Variants in AGBL4 observed in about 807,000 individuals in gnomAD.
The protein encoded by AGBL4 is cytosolic carboxypeptidase 6.
AGBL4 carries 58 observed loss-of-function variants against 66.4 expected under a neutral mutation model. The observed-to-expected ratio is 0.87, with a 90% confidence interval of 0.71 to 1.09. AGBL4 has a LOEUF of 1.09. AGBL4 is among the 50% of genes least tolerant of loss of function. The probability of loss-of-function intolerance (pLI) is 0.00; values close to 1 mark genes in which losing one functional copy is unlikely to be tolerated. For missense variants in AGBL4, 579 were observed against 631.0 expected, an observed-to-expected ratio of 0.92 and a Z score of 0.88; for synonymous variants, 234 against 222.9, an observed-to-expected ratio of 1.05 and a Z score of -0.44.
chr1:49,078,151 G>A (rs1021020970), intron 4 of AGBL4, among the ~76,000 whole-genome samples: 3 of 152,022 alleles, frequency 2.0e-5, no homozygotes, highest in African/African-American at 7.2e-5. Context: ...CTGTACTAAG[G>A]AAAGAGCTAA....
At chr1:49,464,499 T>C (rs749348745) in intron 3 of AGBL4, among the ~76,000 whole-genome samples, 3 of 151,796 alleles carry the variant, frequency 2.0e-5, no homozygotes, top group Admixed American at 6.6e-5. Context: ...CCTTCTTTGA[T>C]TCTGGAGAAC....
chr1:49,121,098 C>A (rs1304145283), intron 4 of AGBL4, among the ~76,000 whole-genome samples: 1 of 152,134 alleles, frequency 6.6e-6, no homozygotes, highest in Non-Finnish European at 1.5e-5. Context: ...TTCTAATTAG[C>A]CATTTGCCTA....
intron 1 of AGBL4, among the ~76,000 whole-genome samples, chr1:49,876,189 T>C (rs1296540446): frequency 1.3e-4 from 18 of 143,136 alleles, no homozygotes; most frequent in African/African-American, 4.7e-4. Flanking sequence ...ATTTTGGCTT[T>C]GGTTGCCATT....
intron 2 of AGBL4, among the ~76,000 whole-genome samples, chr1:49,731,954 G>C (rs1649488819): frequency 6.6e-6 from 1 of 152,152 alleles, no homozygotes; most frequent in Admixed American, 6.5e-5. Flanking sequence ...TTCTAGACTG[G>C]AGCTGCTCCC....
intron 11 of AGBL4, among the ~76,000 whole-genome samples, chr1:48,545,665 C>A (rs1173218177): frequency 1.3e-5 from 2 of 152,024 alleles, no homozygotes; most frequent in Non-Finnish European, 2.9e-5. Context: ...TGATCTGTTT[C>A]TCAAAAATGG....
At chr1:49,929,790 T>G (rs1319209733) in intron 1 of AGBL4, among the ~76,000 whole-genome samples, 9 of 152,154 alleles carry the variant, frequency 5.9e-5, no homozygotes, top group Non-Finnish European at 8.8e-5. Context: ...AACAATGTAT[T>G]GTGTAGTCTA....
chr1:48,726,124 C>T (rs185057144), intron 6 of AGBL4, among the ~76,000 whole-genome samples: 29 of 152,284 alleles, frequency 1.9e-4, no homozygotes, highest in Admixed American at 1.9e-3. Flanking sequence ...CATTAACTGC[C>T]CTGTTCTCTT....
intron 3 of AGBL4, among the ~76,000 whole-genome samples, chr1:49,496,967 T>C (rs1345719683): frequency 6.6e-6 from 1 of 151,970 alleles, no homozygotes; most frequent in South Asian, 2.1e-4. Context: ...ATAATGGCCA[T>C]ACTATCATAC....
intron 6 of AGBL4, chr1:48,758,778 G>C: frequency 3.6e-6 from 3 of 845,028 alleles, no homozygotes; most frequent in South Asian, 4.9e-5. Context: ...GGTAAGCCAA[G>C]AGTCTGTCCT....
chr1:48,553,450 G>C (rs1056160624), intron 11 of AGBL4, among the ~76,000 whole-genome samples: 3 of 152,198 alleles, frequency 2.0e-5, no homozygotes, highest in Non-Finnish European at 4.4e-5. Context: ...TGATGGGCCT[G>C]GCTTCAGGCC....
chr1:48,973,147 T>C (rs769214628), intron 5 of AGBL4, among the ~76,000 whole-genome samples: 2 of 152,182 alleles, frequency 1.3e-5, no homozygotes, highest in Admixed American at 6.5e-5. Context: ...TTAATTGATA[T>C]AAATTTCACT....
chr1:48,867,562 T>A (rs1217774019), intron 5 of AGBL4, among the ~76,000 whole-genome samples: 2 of 152,194 alleles, frequency 1.3e-5, no homozygotes. Flanking sequence ...TTCCCAGTCA[T>A]GGGCTCATTC....
chr1:49,630,640 C>T (rs147988776), intron 3 of AGBL4, among the ~76,000 whole-genome samples: 5 of 152,202 alleles, frequency 3.3e-5, no homozygotes, highest in East Asian at 1.9e-4. Flanking sequence ...CAATCACCCT[C>T]GAAACCCAAT....
chr1:49,255,646 G>A (rs1652423208), intron 3 of AGBL4, among the ~76,000 whole-genome samples: 1 of 152,144 alleles, frequency 6.6e-6, no homozygotes, highest in Non-Finnish European at 1.5e-5. Flanking sequence ...ATTTGATCCA[G>A]CAATCCCATT....
chr1:49,627,421 TACTCCCA>T (rs1645485414), intron 3 of AGBL4, among the ~76,000 whole-genome samples: 1 of 152,132 alleles, frequency 6.6e-6, no homozygotes, highest in Admixed American at 6.6e-5. Context: ...TGAGTGTGCC[TACTCCCA>T]TTTATCCAAT....
chr1:49,914,636 G>T, intron 1 of AGBL4, among the ~76,000 whole-genome samples: 1 of 152,050 alleles, frequency 6.6e-6, no homozygotes, highest in African/African-American at 2.4e-5. Context: ...TATCTATTAC[G>T]CAGATCCAAA....
At chr1:49,857,860 C>G (rs184318156) in intron 1 of AGBL4, among the ~76,000 whole-genome samples, 423 of 151,938 alleles carry the variant, frequency 2.8e-3, no homozygotes, top group African/African-American at 9.7e-3. Context: ...AAAAATAGAC[C>G]AATGGGACTA....
intron 6 of AGBL4, among the ~76,000 whole-genome samples, chr1:48,838,576 T>C (rs1646734110): frequency 1.3e-5 from 2 of 152,152 alleles, no homozygotes; most frequent in Admixed American, 1.3e-4. Flanking sequence ...CCTGCAACCA[T>C]GAAACTACTA....
intron 4 of AGBL4, among the ~76,000 whole-genome samples, chr1:49,181,648 T>C (rs1646932729): frequency 6.6e-6 from 1 of 152,216 alleles, no homozygotes; most frequent in African/African-American, 2.4e-5. Flanking sequence ...CCTAGTGAAC[T>C]CATCCAAGTG....
Sources: allele counts gnomAD v4.1 joint callset (sites outside exome capture counted in the v4.1 genomes callset), GRCh38; gene constraint gnomAD v4.1.1; transcripts MANE v1.5; gene names NCBI Gene and HGNC (gene_info 2026-07-23, HGNC 2026-07-21).